OPRM1: variants seen among roughly 807,000 people sequenced by gnomAD.
OPRM1 encodes the protein opioid receptor mu 1, also known as mu-type opioid receptor.
OPRM1 carries 27 observed loss-of-function variants against 31.8 expected under a neutral mutation model. The ratio of observed to expected loss-of-function variants is 0.85; its 90% CI spans 0.63 to 1.17. The LOEUF (loss-of-function observed/expected upper bound fraction) is 1.17. Among genes scored for constraint, OPRM1 ranks in the 50% most tolerant of loss-of-function variants. OPRM1 has a pLI of 0.00. For missense variants in OPRM1, 536 were observed against 511.1 expected (o/e 1.05, Z -0.47); for synonymous variants, 196 against 189.9 (o/e 1.03, Z -0.26).
chr6:154,021,297 G>A (rs974242071), intron 1 of OPRM1, among the ~76,000 whole-genome samples: 25 of 152,124 alleles, frequency 1.6e-4, no homozygotes, highest in African/African-American at 5.8e-4. Context: ...TGTGCTCTCT[G>A]TTCTGTTTCA....
chr6:154,116,065 C>T (rs1562486653), intron 3 of OPRM1, among the ~76,000 whole-genome samples: 1 of 152,074 alleles, frequency 6.6e-6, no homozygotes, highest in Admixed American at 6.5e-5. Flanking sequence ...TCTAGAGGCC[C>T]TAAATCAGCA....
chr6:154,079,343 T>C (rs1788585348), intron 1 of OPRM1, among the ~76,000 whole-genome samples: 1 of 152,078 alleles, frequency 6.6e-6, no homozygotes, highest in South Asian at 2.1e-4. Context: ...AGGAGGTCAA[T>C]GGAGTTGGGA....
At chr6:154,143,667 A>G (rs924812056) in intron 3 of OPRM1, among the ~76,000 whole-genome samples, 34 of 152,228 alleles carry the variant, frequency 2.2e-4, no homozygotes, top group African/African-American at 8.2e-4. Flanking sequence ...AGGACGTTTA[A>G]GAGGTGATTG....
At chr6:154,187,202 A>C (rs1199617466) in intron 3 of OPRM1, among the ~76,000 whole-genome samples, 1 of 151,764 alleles carries the variant, frequency 6.6e-6, no homozygotes, top group Non-Finnish European at 1.5e-5. Context: ...TATCAGAGAG[A>C]TTTTCCAGGA....
intron 3 of OPRM1, among the ~76,000 whole-genome samples, chr6:154,240,018 A>C (rs1452777640): frequency 6.6e-6 from 1 of 152,252 alleles, no homozygotes; most frequent in Non-Finnish European, 1.5e-5. Flanking sequence ...AAACATTTCA[A>C]AACATTGGAA....
chr6:154,150,758 A>T (rs922971500), intron 3 of OPRM1, among the ~76,000 whole-genome samples: 4 of 152,274 alleles, frequency 2.6e-5, no homozygotes, highest in Non-Finnish European at 5.9e-5. Context: ...AGACTGGCCA[A>T]GGCCAAGTGT....
chr6:154,201,072 C>G (rs1777031202), intron 3 of OPRM1, among the ~76,000 whole-genome samples: 1 of 152,184 alleles, frequency 6.6e-6, no homozygotes, highest in Admixed American at 6.5e-5. Context: ...ACTCTTTCTG[C>G]TGCCACCATG....
At chr6:154,212,944 T>C (rs776570169) in intron 3 of OPRM1, 3 of 885,564 alleles carry the variant, frequency 3.4e-6, no homozygotes, top group African/African-American at 1.7e-5. Flanking sequence ...CATCTGGCTA[T>C]TGCAATTTCA....
intron 3 of OPRM1, among the ~76,000 whole-genome samples, chr6:154,114,909 C>A (rs564647202): frequency 2.6e-5 from 4 of 151,384 alleles, no homozygotes; most frequent in African/African-American, 9.7e-5. Context: ...TGAAGAGAAC[C>A]AAAGCCAAGT....
At chr6:154,028,319 G>A (rs1180948858) in intron 1 of OPRM1, among the ~76,000 whole-genome samples, 1 of 152,064 alleles carries the variant, frequency 6.6e-6, no homozygotes, top group Non-Finnish European at 1.5e-5. Flanking sequence ...GTCTGACTGG[G>A]GCCATATCCT....
At chr6:154,017,348 A>T (rs1250071268) in intron 1 of OPRM1, among the ~76,000 whole-genome samples, 2 of 152,194 alleles carry the variant, frequency 1.3e-5, no homozygotes, top group African/African-American at 4.8e-5. Flanking sequence ...GAGATTTGAT[A>T]TGGTCACAGT....
At chr6:154,079,665 A>T (rs962459942) in intron 1 of OPRM1, among the ~76,000 whole-genome samples, 6 of 152,208 alleles carry the variant, frequency 3.9e-5, no homozygotes, top group Non-Finnish European at 8.8e-5. Flanking sequence ...AATACCACAA[A>T]TATCACAAAA....
chr6:154,132,019 C>A lies in OPRM1; in HGVS notation c.*13298C>A, dbSNP rs1013088332. ...TTTACTATTGAAAAATAAATATCTT[C>A]ATTTAAAGTAGAGACAAAGCTACTA... On this transcript the variant is annotated 3_prime_UTR_variant, in exon 4 of 4. Transcript: ENST00000330432. 6.8e-6 allele frequency among the ~76,000 whole-genome samples: 1 copy of A among 147,666 alleles called. No homozygotes were observed. Among genetic ancestry groups the A allele is most frequent in the Non-Finnish European group, 1.5e-5 (1 of 67,300 alleles).
At chr6:154,061,673 G>A (rs1036479259) in intron 1 of OPRM1, among the ~76,000 whole-genome samples, 2 of 151,966 alleles carry the variant, frequency 1.3e-5, no homozygotes, top group African/African-American at 4.8e-5. Flanking sequence ...ACTTGAGGGT[G>A]GAAGGTGGGA....
At chr6:154,117,448 A>C (rs1225446816) in intron 3 of OPRM1, among the ~76,000 whole-genome samples, 1 of 152,218 alleles carries the variant, frequency 6.6e-6, no homozygotes, top group Non-Finnish European at 1.5e-5. Flanking sequence ...CAGAAGCTTT[A>C]GCATAATAGT....
chr6:154,140,485 C>A (rs1798172972), intron 3 of OPRM1, among the ~76,000 whole-genome samples: 1 of 152,048 alleles, frequency 6.6e-6, no homozygotes, highest in Non-Finnish European at 1.5e-5. Context: ...CGTGTGCCAC[C>A]ACACCAGCTA....
intron 3 of OPRM1, among the ~76,000 whole-genome samples, chr6:154,114,327 T>C (rs1384856888): frequency 6.6e-6 from 1 of 152,196 alleles, no homozygotes; most frequent in Non-Finnish European, 1.5e-5. Context: ...CTGTATCTTA[T>C]CAGAATTAAG....
At chr6:154,208,395 C>T (rs943498287) in intron 3 of OPRM1, among the ~76,000 whole-genome samples, 15 of 152,168 alleles carry the variant, frequency 9.9e-5, no homozygotes, top group African/African-American at 3.6e-4. Flanking sequence ...CTCAGTCGGA[C>T]GTGTCCTGGC....
rs1348954337 is a variant in OPRM1, at chr6:154,127,561, C to T, written c.*8840C>T. Among the ~76,000 whole-genome samples the T allele has an allele frequency of 6.6e-6, 1 of 152,212 alleles. No individual in the cohort carries two copies. Among genetic ancestry groups the T allele is most frequent in the Non-Finnish European group, 1.5e-5 (1 of 68,044 alleles). Reference sequence around the variant, plus strand: ...GACTAGATTAGGAGGTCCACACCACCAATTGAGATGTACCTGTGCTCATGA... The same window carrying T: ...GACTAGATTAGGAGGTCCACACCACTAATTGAGATGTACCTGTGCTCATGA... On this transcript the variant is annotated 3_prime_UTR_variant, in exon 4 of 4. Coordinates refer to ENST00000330432, the MANE Select transcript of OPRM1 (RefSeq NM_000914.5).
Sources: gnomAD v4.1 joint callset for allele counts (sites outside exome capture counted in the v4.1 genomes callset) on GRCh38, gnomAD v4.1.1 for gene constraint, MANE v1.5 for transcripts, NCBI Gene and HGNC (gene_info 2026-07-23, HGNC 2026-07-21) for gene names.